The following GAB2 variants were observed in gnomAD, a reference collection of about 807,000 sequenced individuals.
The protein encoded by GAB2 is GRB2-associated-binding protein 2.
Under a neutral mutation model 65.5 loss-of-function variants are expected in GAB2, and 26 were observed. That is an observed-to-expected ratio of 0.40 (90% CI 0.29 to 0.55). The LOEUF (loss-of-function observed/expected upper bound fraction) is 0.55. GAB2 is among the 20% of genes least tolerant of loss of function. The pLI is 0.53. For synonymous variants in GAB2, 321 were observed against 329.6 expected (o/e 0.97, Z 0.28); for missense variants, 884 against 875.8 (o/e 1.01, Z -0.12).
intron 1 of GAB2, among the ~76,000 whole-genome samples, chr11:78,382,381 TTA>T (rs933437279): frequency 2.7e-5 from 4 of 149,938 alleles, no homozygotes; most frequent in African/African-American, 1.0e-4. Flanking sequence ...TTTTTTATTA[TTA>T]TTTTTTTTTT....
At chr11:78,234,650 A>G (rs1277895352) in intron 3 of GAB2, among the ~76,000 whole-genome samples, 3 of 149,762 alleles carry the variant, frequency 2.0e-5, no homozygotes, top group Non-Finnish European at 4.4e-5. Context: ...ATATGTATTT[A>G]TATATATTTC....
At chr11:78,253,732 G>A (rs1205401023) in intron 2 of GAB2, among the ~76,000 whole-genome samples, 1 of 152,110 alleles carries the variant, frequency 6.6e-6, no homozygotes, top group Non-Finnish European at 1.5e-5. Context: ...ACACAGTGAT[G>A]GCAGAGATTT....
At chr11:78,320,026 C>A (rs1447383193) in intron 1 of GAB2, among the ~76,000 whole-genome samples, 1 of 152,122 alleles carries the variant, frequency 6.6e-6, no homozygotes, top group Non-Finnish European at 1.5e-5. Flanking sequence ...CAGGTACACA[C>A]CACCACACTG....
intron 1 of GAB2, among the ~76,000 whole-genome samples, chr11:78,288,730 C>T (rs954766082): frequency 7.6e-4 from 116 of 152,200 alleles, no homozygotes; most frequent in Non-Finnish European, 7.3e-4. Flanking sequence ...GATTGGACAA[C>T]TCGACTTGGT....
intron 1 of GAB2, among the ~76,000 whole-genome samples, chr11:78,292,854 T>C (rs1259942634): frequency 6.6e-6 from 1 of 152,234 alleles, no homozygotes; most frequent in East Asian, 1.9e-4. Flanking sequence ...TTATCACATT[T>C]AATCCTTTAA....
chr11:78,293,799 G>A (rs1023788861), intron 1 of GAB2, among the ~76,000 whole-genome samples: 3 of 152,150 alleles, frequency 2.0e-5, no homozygotes, highest in African/African-American at 2.4e-5. Context: ...ACTATTTGTC[G>A]CCTAAGAACA....
rs375710947 is a variant in GAB2 at position 78,411,321 on chromosome 11, G to T, written c.75+6325C>A. Among the ~76,000 whole-genome samples, 281 of 152,232 alleles carry T rather than the reference G, an allele frequency of 1.8e-3. 1 individual carries two copies. The highest frequency in any genetic ancestry group is 6.6e-3 in the African/African-American group (274 of 41,526). On this transcript the variant is annotated intron_variant, in intron 1 of 9. Transcript: ENST00000361507. ...TAATGCACTTCCTATTAAAATCTCA[G>T]CAAGACTTTCTTTTTTTTGCATAAA...
intron 1 of GAB2, among the ~76,000 whole-genome samples, chr11:78,417,127 A>G (rs1212717247): frequency 1.3e-5 from 2 of 152,118 alleles, no homozygotes; most frequent in East Asian, 1.9e-4. Context: ...GCTGCCGGTG[A>G]TGCAGCCGCG....
chr11:78,398,826 A>C (rs1856935089), intron 1 of GAB2, among the ~76,000 whole-genome samples: 1 of 152,194 alleles, frequency 6.6e-6, no homozygotes, highest in Non-Finnish European at 1.5e-5. Context: ...AAAATGTACA[A>C]GATAAACTTG....
chr11:78,362,023 T>C (rs750616274), intron 1 of GAB2, among the ~76,000 whole-genome samples: 4 of 151,138 alleles, frequency 2.6e-5, no homozygotes, highest in Non-Finnish European at 4.4e-5. Context: ...TAAAAAGGCA[T>C]GGGGAAGAAA....
chr11:78,300,902 C>G (rs547024313), intron 1 of GAB2, among the ~76,000 whole-genome samples: 2 of 152,090 alleles, frequency 1.3e-5, no homozygotes, highest in East Asian at 3.9e-4. Flanking sequence ...ACCATGTTGC[C>G]CAGGCTAGTC....
chr11:78,220,921 G>A (rs1034238809), intron 8 of GAB2, among the ~76,000 whole-genome samples: 4 of 152,178 alleles, frequency 2.6e-5, no homozygotes, highest in African/African-American at 7.2e-5. Context: ...CAGCCCCTGT[G>A]AAACTCCCAC....
In GAB2 at chr11:78,260,339, C is replaced by G. The variant is rs534482275; in HGVS notation, c.377-9939G>C. ...TGTGAAAGGCAAAGAGGAAAGAGAGCGAGTGACTGTAGCTTAGTGACACAG... is the reference window on the plus strand; with the variant it reads ...TGTGAAAGGCAAAGAGGAAAGAGAGGGAGTGACTGTAGCTTAGTGACACAG... On this transcript the variant is annotated intron_variant, in intron 2 of 9. Transcript: ENST00000361507. Among the ~76,000 whole-genome samples the G allele has an allele frequency of 1.9e-3, 296 of 152,296 alleles. 2 individuals carry two copies. Among genetic ancestry groups the G allele is most frequent in the Non-Finnish European group, 2.4e-3 (162 of 68,020 alleles).
chr11:78,239,784 C>A (rs1483752563), intron 3 of GAB2, among the ~76,000 whole-genome samples: 3 of 152,190 alleles, frequency 2.0e-5, no homozygotes, highest in African/African-American at 7.2e-5. Flanking sequence ...CTGAAGTCCT[C>A]ATAGGCACTA....
At chr11:78,253,449 G>T (rs528907052) in intron 2 of GAB2, among the ~76,000 whole-genome samples, 1 of 152,062 alleles carries the variant, frequency 6.6e-6, no homozygotes, top group African/African-American at 2.4e-5. Context: ...GCACCACCAC[G>T]CCAGGCCAAT....
chr11:78,389,311 CT>C (rs113709383), intron 1 of GAB2, among the ~76,000 whole-genome samples: 3,777 of 143,978 alleles, frequency 0.026, 133 homozygotes, highest in African/African-American at 0.084. Flanking sequence ...TGTGGTTTTC[CT>C]TTTTTTTTTT....
chr11:78,247,612 A>G (rs1419915172), intron 3 of GAB2, among the ~76,000 whole-genome samples: 3 of 152,218 alleles, frequency 2.0e-5, no homozygotes, highest in Non-Finnish European at 4.4e-5. Flanking sequence ...TCATAGGAAA[A>G]GCCATGTAAA....
At chr11:78,417,106 A>G (rs1171142354) in intron 1 of GAB2, among the ~76,000 whole-genome samples, 1 of 152,146 alleles carries the variant, frequency 6.6e-6, no homozygotes, top group Non-Finnish European at 1.5e-5. Flanking sequence ...AGGGCTGCAC[A>G]TGCCGCTGAC....
chr11:78,280,947 A>G (rs1866318778), intron 1 of GAB2, 46 bp from the exon 2 acceptor site: 3 of 1,506,860 alleles, frequency 2.0e-6, no homozygotes, highest in African/African-American at 2.8e-5. Context: ...AGAAGTCATT[A>G]GTTATTTCAA....
Sources: gnomAD v4.1 joint callset for allele counts (sites outside exome capture counted in the v4.1 genomes callset) on GRCh38, gnomAD v4.1.1 for gene constraint, MANE v1.5 for transcripts, NCBI Gene and HGNC (gene_info 2026-07-23, HGNC 2026-07-21) for gene names.